NINL: variants seen among roughly 807,000 people sequenced by gnomAD.
The protein encoded by NINL is ninein-like protein.
Under a neutral mutation model 160.3 loss-of-function variants are expected in NINL, and 153 were observed. The ratio of observed to expected loss-of-function variants is 0.95; its 90% CI spans 0.84 to 1.09. The LOEUF is 1.09. NINL is among the 50% of genes least tolerant of loss of function. NINL has a pLI of 0.00. For synonymous variants in NINL, 800 were observed against 734.8 expected, an observed-to-expected ratio of 1.09 and a Z score of -1.43; for missense variants, 1,829 against 1,764.0, an observed-to-expected ratio of 1.04 and a Z score of -0.66.
At chr20:25,455,811 G>A (rs1466543364) in intron 22 of NINL, 25 bp from the exon 23 acceptor site, 2 of 1,592,406 alleles carry the variant, frequency 1.3e-6, no homozygotes, top group East Asian at 2.2e-5. Context: ...GGTTGCAGGT[G>A]GCCGGGCATG....
In NINL at chr20:25,566,053, C is replaced by T. The variant is rs769402710; in HGVS notation, c.-12+19402G>A. 2.4e-4 allele frequency among the ~76,000 whole-genome samples: 37 copies of T among 152,326 alleles called. No individual in the cohort carries two copies. In the Middle Eastern group the frequency reaches 0.01, roughly 42 times the overall value. On this transcript the variant is annotated intron_variant, in intron 1 of 23. Transcript: ENST00000278886. ...CATCCTAGGACCTCCAGTTGGCAGC[C>T]AGCCGGGCACTGGACTTTTCGGCCT...
At chr20:25,526,814 G>A (rs1214225735) in intron 1 of NINL, among the ~76,000 whole-genome samples, 24 of 152,176 alleles carry the variant, frequency 1.6e-4, no homozygotes. Flanking sequence ...CAGGGAGTGA[G>A]GATAAATAGT....
chr20:25,481,180 T>C (rs1200943710), intron 14 of NINL, among the ~76,000 whole-genome samples: 1 of 152,110 alleles, frequency 6.6e-6, no homozygotes, highest in Non-Finnish European at 1.5e-5. Context: ...GGGTTACAGA[T>C]GGCAGCAAAA....
At chr20:25,579,043 C>T (rs2065146103) in intron 1 of NINL, among the ~76,000 whole-genome samples, 1 of 152,154 alleles carries the variant, frequency 6.6e-6, no homozygotes, top group Admixed American at 6.5e-5. Flanking sequence ...TCTCAACCAG[C>T]ATGTGTAGAC....
At chr20:25,513,406 T>A (rs2064110031) in intron 3 of NINL, among the ~76,000 whole-genome samples, 2 of 152,176 alleles carry the variant, frequency 1.3e-5, no homozygotes, top group Admixed American at 6.5e-5. Context: ...GTGAACACGC[T>A]AAATGTCAAG....
intron 1 of NINL, among the ~76,000 whole-genome samples, chr20:25,564,730 G>C (rs971665125): frequency 2.5e-4 from 38 of 151,916 alleles, no homozygotes; most frequent in African/African-American, 9.2e-4. Flanking sequence ...TGGGATTACA[G>C]GTGTGAGCCA....
intron 4 of NINL, among the ~76,000 whole-genome samples, chr20:25,512,598 C>A (rs1331384224): frequency 1.3e-5 from 2 of 152,186 alleles, no homozygotes; most frequent in Admixed American, 6.5e-5. Flanking sequence ...TGAGGAAATT[C>A]TCTATTGCAC....
intron 13 of NINL, among the ~76,000 whole-genome samples, chr20:25,487,377 C>T (rs569572546): frequency 6.6e-6 from 1 of 152,176 alleles, no homozygotes; most frequent in Admixed American, 6.5e-5. Flanking sequence ...GTTCACCTGG[C>T]AATGCTGCCT....
intron 7 of NINL, among the ~76,000 whole-genome samples, chr20:25,502,129 G>A (rs1010195628): frequency 1.3e-5 from 2 of 152,120 alleles, no homozygotes; most frequent in South Asian, 2.1e-4. Context: ...TTACACATGT[G>A]TACCACCACA....
At chr20:25,495,707 A>G (rs1362652527) in intron 10 of NINL, among the ~76,000 whole-genome samples, 1 of 152,216 alleles carries the variant, frequency 6.6e-6, no homozygotes, top group Admixed American at 6.5e-5. Context: ...GAAAAACAGC[A>G]GCTCAGCCCA....
chr20:25,585,173 GC>G (rs1208725176), intron 1 of NINL, among the ~76,000 whole-genome samples: 25 of 152,192 alleles, frequency 1.6e-4, no homozygotes, highest in Admixed American at 1.6e-3. Flanking sequence ...CGTTCGCACG[GC>G]GCCCGCGCCG....
intron 1 of NINL, among the ~76,000 whole-genome samples, chr20:25,557,974 CAAAA>C (rs3036848): frequency 1.6e-4 from 21 of 132,734 alleles, no homozygotes; most frequent in African/African-American, 3.4e-4. Flanking sequence ...ACTAAAAATA[CAAAA>C]AAAAAAAAAA....
At chr20:25,507,123 T>A (rs1040793918) in intron 5 of NINL, among the ~76,000 whole-genome samples, 1 of 152,210 alleles carries the variant, frequency 6.6e-6, no homozygotes, top group Admixed American at 6.5e-5. Context: ...ACCCACTGTT[T>A]TGTGGAATGT....
intron 1 of NINL, among the ~76,000 whole-genome samples, chr20:25,542,697 TAAAAAAAAAAAAAAAAAAAAAAAA>T (rs71185304): frequency 3.5e-4 from 18 of 51,394 alleles, no homozygotes; most frequent in African/African-American, 8.6e-4. Flanking sequence ...TTGCTTTCAC[TAAAAAAAAAAAAAAAAAAAAAAAA>T]AAAAAAAAAA....
intron 2 of NINL, among the ~76,000 whole-genome samples, chr20:25,518,531 C>T (rs2064203776): frequency 6.6e-6 from 1 of 152,142 alleles, no homozygotes; most frequent in Non-Finnish European, 1.5e-5. Flanking sequence ...ATGATATTAT[C>T]TTTTTATTGA....
intron 1 of NINL, among the ~76,000 whole-genome samples, chr20:25,537,209 A>G (rs1359499855): frequency 6.6e-6 from 1 of 152,076 alleles, no homozygotes; most frequent in Non-Finnish European, 1.5e-5. Context: ...TCAGCCCCCA[A>G]GCAGCTGGGA....
intron 23 of NINL, among the ~76,000 whole-genome samples, chr20:25,454,222 G>A (rs1223015778): frequency 3.9e-5 from 6 of 152,212 alleles, no homozygotes; most frequent in Non-Finnish European, 8.8e-5. Flanking sequence ...TCCTCAAAAG[G>A]CCCTGGGACG....
At chr20:25,562,230 C>A (rs1284877725) in intron 1 of NINL, among the ~76,000 whole-genome samples, 2 of 127,608 alleles carry the variant, frequency 1.6e-5, no homozygotes, top group African/African-American at 3.0e-5. Context: ...GGCGCCTCTG[C>A]CCGGCCGCCC....
intron 1 of NINL, among the ~76,000 whole-genome samples, chr20:25,557,717 ATATT>A (rs1252266271): frequency 6.6e-6 from 1 of 152,216 alleles, no homozygotes; most frequent in Non-Finnish European, 1.5e-5. Context: ...GCATATTTGG[ATATT>A]TAAACTCTAA....
Sources: allele counts gnomAD v4.1 joint callset (sites outside exome capture counted in the v4.1 genomes callset), GRCh38; gene constraint gnomAD v4.1.1; transcripts MANE v1.5; gene names NCBI Gene and HGNC (gene_info 2026-07-23, HGNC 2026-07-21).